The following GPC6 variants were observed in gnomAD, a reference collection of about 807,000 sequenced individuals.
The protein encoded by GPC6 is glypican 6.
A neutral mutation model predicts 55.2 loss-of-function variants in GPC6; 14 were observed. That is an observed-to-expected ratio of 0.25 (90% CI 0.17 to 0.40). The LOEUF (loss-of-function observed/expected upper bound fraction) is 0.40, where lower values mean the gene tolerates loss of function less well. GPC6 is among the 10% of genes least tolerant of loss of function. The pLI is 1.00. For synonymous variants in GPC6, 278 were observed against 259.6 expected (o/e 1.07, Z -0.68); for missense variants, 641 against 708.5 (o/e 0.90, Z 1.08).
intron 1 of GPC6, among the ~76,000 whole-genome samples, chr13:93,260,726 G>A (rs1211523963): frequency 3.9e-5 from 6 of 152,016 alleles, no homozygotes; most frequent in African/African-American, 1.4e-4. Context: ...TGAGTCCTTA[G>A]TACCATTTTT....
intron 2 of GPC6, 126 bp from the exon 3 acceptor site, chr13:93,830,028 C>A: frequency 1.5e-6 from 1 of 649,184 alleles, no homozygotes. Context: ...TGTCCATTAA[C>A]ACCTTAATCA....
chr13:93,900,068 A>C (rs1284144203), intron 3 of GPC6, among the ~76,000 whole-genome samples: 1 of 152,152 alleles, frequency 6.6e-6, no homozygotes, highest in African/African-American at 2.4e-5. Context: ...TCATCCTTCA[A>C]CTATGAGTGT....
At chr13:94,004,635 T>C (rs1881937558) in intron 3 of GPC6, among the ~76,000 whole-genome samples, 1 of 152,222 alleles carries the variant, frequency 6.6e-6, no homozygotes, top group South Asian at 2.1e-4. Flanking sequence ...GAAGATGCAA[T>C]GTCAAGCTTT....
intron 4 of GPC6, among the ~76,000 whole-genome samples, chr13:94,265,035 A>G (rs902262586): frequency 6.6e-6 from 1 of 152,176 alleles, no homozygotes; most frequent in Non-Finnish European, 1.5e-5. Flanking sequence ...ACACGTGGGA[A>G]TTATGGGAGC....
intron 1 of GPC6, among the ~76,000 whole-genome samples, chr13:93,271,028 C>T (rs1877504837): frequency 6.6e-6 from 1 of 152,152 alleles, no homozygotes; most frequent in Non-Finnish European, 1.5e-5. Context: ...TGTGTTCCTT[C>T]TGGGCAAAAA....
chr13:93,253,689 A>G (rs1012666317), intron 1 of GPC6, among the ~76,000 whole-genome samples: 3 of 152,130 alleles, frequency 2.0e-5, no homozygotes, highest in Non-Finnish European at 2.9e-5. Context: ...TATATAGTTA[A>G]TATGGAGGCT....
intron 4 of GPC6, among the ~76,000 whole-genome samples, chr13:94,156,499 T>C (rs926309647): frequency 1.3e-5 from 2 of 152,118 alleles, no homozygotes; most frequent in Non-Finnish European, 2.9e-5. Flanking sequence ...GTGAGAACAA[T>C]TGTGATGTTG....
chr13:93,803,604 G>A (rs747914425), intron 2 of GPC6, among the ~76,000 whole-genome samples: 4 of 151,952 alleles, frequency 2.6e-5, no homozygotes, highest in Non-Finnish European at 5.9e-5. Context: ...AAGAAATAAA[G>A]GCATACATCT....
intron 1 of GPC6, among the ~76,000 whole-genome samples, chr13:93,462,808 T>C (rs553474258): frequency 6.6e-6 from 1 of 152,082 alleles, no homozygotes; most frequent in Non-Finnish European, 1.5e-5. Flanking sequence ...ATGAAAAGAA[T>C]CAAAGGGGAA....
chr13:93,620,152 G>T (rs1182690330), intron 2 of GPC6, among the ~76,000 whole-genome samples: 1 of 152,086 alleles, frequency 6.6e-6, no homozygotes, highest in South Asian at 2.1e-4. Flanking sequence ...TTCACAAATC[G>T]TTTAGTAAGA....
chr13:93,788,872 A>G (rs1166515635), intron 2 of GPC6, among the ~76,000 whole-genome samples: 2 of 152,180 alleles, frequency 1.3e-5, no homozygotes, highest in Non-Finnish European at 2.9e-5. Flanking sequence ...AGACAACTGC[A>G]TGGAGAATGA....
At chr13:93,511,299 C>G (rs1039354027) in intron 1 of GPC6, among the ~76,000 whole-genome samples, 14 of 151,486 alleles carry the variant, frequency 9.2e-5, no homozygotes. Flanking sequence ...CTTAGGTTTT[C>G]TACTAGTATT....
chr13:93,830,064 T>A (rs1014910586), intron 2 of GPC6, 90 bp from the exon 3 acceptor site: 1 of 830,874 alleles, frequency 1.2e-6, no homozygotes, highest in Non-Finnish European at 1.9e-6. Context: ...CATGAAAATG[T>A]CAATTAAAAG....
intron 4 of GPC6, among the ~76,000 whole-genome samples, chr13:94,085,837 T>G (rs1413214443): frequency 6.6e-6 from 1 of 152,190 alleles, no homozygotes; most frequent in Non-Finnish European, 1.5e-5. Flanking sequence ...TCTTAAATAA[T>G]TATATAATGG....
At chr13:93,639,002 A>G (rs1422019374) in intron 2 of GPC6, among the ~76,000 whole-genome samples, 2 of 152,152 alleles carry the variant, frequency 1.3e-5, no homozygotes, top group Non-Finnish European at 2.9e-5. Context: ...TAAGGATTAT[A>G]GCAGGAAAAA....
intron 1 of GPC6, among the ~76,000 whole-genome samples, chr13:93,287,320 T>C (rs543634267): frequency 1.3e-5 from 2 of 152,284 alleles, no homozygotes; most frequent in East Asian, 1.9e-4. Flanking sequence ...TAAGAGTGTT[T>C]TGGCCAAAAG....
intron 3 of GPC6, among the ~76,000 whole-genome samples, chr13:93,899,184 T>G (rs1225073829): frequency 2.6e-5 from 4 of 151,856 alleles, no homozygotes; most frequent in African/African-American, 9.7e-5. Context: ...ACACATAATC[T>G]TGACCATTAA....
chr13:94,078,255 C>T (rs1257252232), intron 4 of GPC6, among the ~76,000 whole-genome samples: 1 of 151,570 alleles, frequency 6.6e-6, no homozygotes, highest in Non-Finnish European at 1.5e-5. Flanking sequence ...ATATGGGATG[C>T]AACAAAATTA....
chr13:93,387,752 T>A (rs978840576), intron 1 of GPC6, among the ~76,000 whole-genome samples: 2 of 152,226 alleles, frequency 1.3e-5, no homozygotes, highest in Non-Finnish European at 2.9e-5. Context: ...ACTCTTGTGA[T>A]GGAGACTTTG....
Sources: gnomAD v4.1 joint callset for allele counts (sites outside exome capture counted in the v4.1 genomes callset) on GRCh38, gnomAD v4.1.1 for gene constraint, MANE v1.5 for transcripts, NCBI Gene and HGNC (gene_info 2026-07-23, HGNC 2026-07-21) for gene names.